Variants in CSMD1 observed in about 807,000 individuals in gnomAD.
CSMD1 encodes the protein CUB and Sushi multiple domains 1.
In CSMD1, 213 loss-of-function variants were observed where a neutral mutation model predicts 417.5. The observed-to-expected ratio is 0.51, with a 90% CI of 0.46 to 0.57. The LOEUF (loss-of-function observed/expected upper bound fraction) is 0.57. CSMD1 is among the 20% of genes least tolerant of loss of function. The pLI is 0.00. For synonymous variants in CSMD1, 2,862 were observed against 1,736.8 expected, an observed-to-expected ratio of 1.65 and a Z score of -16.11; for missense variants, 6,923 against 4,529.7, an observed-to-expected ratio of 1.53 and a Z score of -15.17.
intron 4 of CSMD1, among the ~76,000 whole-genome samples, chr8:4,028,386 T>C (rs947132835): frequency 1.3e-5 from 2 of 152,110 alleles, no homozygotes; most frequent in African/African-American, 2.4e-5. Context: ...TTACAGTAAG[T>C]GGACAATACA....
intron 1 of CSMD1, among the ~76,000 whole-genome samples, chr8:4,978,382 C>T (rs561037026): frequency 1.3e-5 from 2 of 152,190 alleles, no homozygotes; most frequent in South Asian, 2.1e-4. Flanking sequence ...ACTGCCTTAA[C>T]ATTATTAAGC....
chr8:4,111,422 T>G (rs1485639940), intron 3 of CSMD1, among the ~76,000 whole-genome samples: 3 of 152,168 alleles, frequency 2.0e-5, no homozygotes, highest in African/African-American at 7.2e-5. Context: ...TAGAATTATT[T>G]ATATTCCTTA....
chr8:4,438,057 C>T (rs7015052), intron 2 of CSMD1, among the ~76,000 whole-genome samples: 4,750 of 152,230 alleles, frequency 0.031, 249 homozygotes, highest in African/African-American at 0.11. Context: ...TATGAAGGAA[C>T]AGCCAATATT....
intron 3 of CSMD1, among the ~76,000 whole-genome samples, chr8:4,298,151 G>C (rs1428672107): frequency 2.0e-5 from 3 of 152,058 alleles, no homozygotes; most frequent in Admixed American, 6.6e-5. Flanking sequence ...TGGTATAGAA[G>C]AAAAGTTTAG....
At chr8:3,403,036 A>T (rs1173858006) in intron 15 of CSMD1, among the ~76,000 whole-genome samples, 2 of 152,156 alleles carry the variant, frequency 1.3e-5, no homozygotes, top group Admixed American at 1.3e-4. Flanking sequence ...ATGTAAAATT[A>T]TAGTGGACTT....
chr8:3,973,060 G>A, intron 5 of CSMD1, among the ~76,000 whole-genome samples: 1 of 152,168 alleles, frequency 6.6e-6, no homozygotes, highest in Non-Finnish European at 1.5e-5. Context: ...AGTGTGCTTT[G>A]ATAACAAATG....
chr8:3,253,378 A>C (rs1340910266), intron 26 of CSMD1, among the ~76,000 whole-genome samples: 1 of 152,010 alleles, frequency 6.6e-6, no homozygotes, highest in African/African-American at 2.4e-5. Context: ...GTTTGATTGC[A>C]CTGTGGTCTG....
chr8:4,372,952 G>A (rs1211119258), intron 3 of CSMD1, among the ~76,000 whole-genome samples: 2 of 152,222 alleles, frequency 1.3e-5, no homozygotes, highest in Non-Finnish European at 2.9e-5. Context: ...CTTCCGAAGA[G>A]TGCAGTGTGG....
chr8:3,211,146 G>A (rs549681032), intron 30 of CSMD1, among the ~76,000 whole-genome samples: 32 of 152,276 alleles, frequency 2.1e-4, no homozygotes, highest in African/African-American at 7.5e-4. Flanking sequence ...CAGAGCTCAA[G>A]TGATACTCCC....
intron 5 of CSMD1, among the ~76,000 whole-genome samples, chr8:3,801,027 A>G (rs189956276): frequency 1.1e-4 from 16 of 152,314 alleles, no homozygotes; most frequent in African/African-American, 3.6e-4. Context: ...GAAAAAAGCA[A>G]AAGAGTAAAT....
intron 7 of CSMD1, among the ~76,000 whole-genome samples, chr8:3,634,301 G>A (rs769747841): frequency 1.3e-4 from 20 of 152,206 alleles, no homozygotes; most frequent in Non-Finnish European, 1.3e-4. Flanking sequence ...TAGGACTGAA[G>A]ACTAAGGTCA....
chr8:3,780,350 G>A (rs1584986814), intron 5 of CSMD1, among the ~76,000 whole-genome samples: 2 of 152,290 alleles, frequency 1.3e-5, no homozygotes, highest in Non-Finnish European at 2.9e-5. Context: ...ATAGAATTTG[G>A]AAGCATTGCA....
chr8:4,972,145 G>C (rs1810275728), intron 1 of CSMD1, among the ~76,000 whole-genome samples: 1 of 152,072 alleles, frequency 6.6e-6, no homozygotes, highest in Admixed American at 6.6e-5. Flanking sequence ...TGCCCCTGTA[G>C]GTAGAAATGA....
chr8:4,825,413 C>T (rs1345975276), intron 1 of CSMD1, among the ~76,000 whole-genome samples: 1 of 152,090 alleles, frequency 6.6e-6, no homozygotes, highest in Admixed American at 6.6e-5. Flanking sequence ...GTGATGGTGA[C>T]TCTAGGCACA....
chr8:3,163,791 G>A (rs1820045449), intron 37 of CSMD1, among the ~76,000 whole-genome samples: 1 of 152,124 alleles, frequency 6.6e-6, no homozygotes, highest in Admixed American at 6.6e-5. Flanking sequence ...ATCCCTGCAT[G>A]GCTGTCACTG....
At chr8:3,066,761 G>A (rs971028767) in intron 49 of CSMD1, among the ~76,000 whole-genome samples, 6 of 152,174 alleles carry the variant, frequency 3.9e-5, no homozygotes, top group East Asian at 1.9e-4. Context: ...GAAACTCCAC[G>A]GAGAACAGAA....
rs76784286 is a variant in CSMD1 at position 4,370,984 on chromosome 8, G to A, written c.415+48969C>T. 8.3e-3 allele frequency among the ~76,000 whole-genome samples: 1,261 copies of A among 152,296 alleles called. 15 individuals are homozygous for A. The highest frequency in any genetic ancestry group is 0.028 in the African/African-American group (1,168 of 41,564). Reference sequence around the variant, plus strand: ...GGCGAGCTAGTGTGATTGTTTGGAGGCAAGAAGACACACTGACCTTTAGTG... The same window carrying A: ...GGCGAGCTAGTGTGATTGTTTGGAGACAAGAAGACACACTGACCTTTAGTG... On this transcript the variant is annotated intron_variant, in intron 3 of 69. Transcript: ENST00000635120.
At chr8:3,835,542 G>T (rs150446583) in intron 5 of CSMD1, among the ~76,000 whole-genome samples, 3,998 of 151,974 alleles carry the variant, frequency 0.026, 81 homozygotes, top group Non-Finnish European at 0.038. Context: ...CACAGGAAAG[G>T]GAACATCGCA....
intron 8 of CSMD1, among the ~76,000 whole-genome samples, chr8:3,586,937 C>T (rs564990539): frequency 2.6e-5 from 4 of 152,258 alleles, no homozygotes; most frequent in African/African-American, 4.8e-5. Flanking sequence ...GTAGCTGGGA[C>T]TACAGATGTG....
Sources: gnomAD v4.1 joint callset for allele counts (sites outside exome capture counted in the v4.1 genomes callset) on GRCh38, gnomAD v4.1.1 for gene constraint, MANE v1.5 for transcripts, NCBI Gene and HGNC (gene_info 2026-07-23, HGNC 2026-07-21) for gene names.